The following FER1L6 variants were observed in gnomAD, a reference collection of about 807,000 sequenced individuals.
The protein encoded by FER1L6 is fer-1 like family member 6.
FER1L6 carries 177 observed loss-of-function variants against 219.2 expected under a neutral mutation model. The ratio of observed to expected loss-of-function variants is 0.81; its 90% confidence interval spans 0.71 to 0.91. The LOEUF (loss-of-function observed/expected upper bound fraction) is 0.91, where lower values mean the gene tolerates loss of function less well. Ranked by LOEUF, FER1L6 falls within the 40% of genes least tolerant of loss-of-function variation. FER1L6 has a pLI of 0.00. For synonymous variants in FER1L6, 768 were observed against 824.3 expected, an observed-to-expected ratio of 0.93 and a Z score of 1.17; for missense variants, 2,153 against 2,259.9, an observed-to-expected ratio of 0.95 and a Z score of 0.96.
intron 1 of FER1L6, among the ~76,000 whole-genome samples, chr8:123,953,934 T>C (rs1171247946): frequency 1.3e-5 from 2 of 152,234 alleles, no homozygotes; most frequent in Non-Finnish European, 2.9e-5. Context: ...CTTGTGTATG[T>C]TCTCCAGAGA....
intron 1 of FER1L6, among the ~76,000 whole-genome samples, chr8:123,868,209 GAGT>G (rs1283233233): frequency 6.6e-6 from 1 of 151,998 alleles, no homozygotes; most frequent in Non-Finnish European, 1.5e-5. Context: ...TCAAACAGGC[GAGT>G]AGGCTACTTA....
chr8:123,854,611 G>A (rs894737615), intron 1 of FER1L6, among the ~76,000 whole-genome samples: 1 of 152,164 alleles, frequency 6.6e-6, no homozygotes, highest in Admixed American at 6.5e-5. Context: ...GGACCGAAGG[G>A]TATCTTCTGT....
chr8:124,099,056 T>C (rs1265304986), intron 37 of FER1L6, among the ~76,000 whole-genome samples: 2 of 152,212 alleles, frequency 1.3e-5, no homozygotes, highest in Non-Finnish European at 2.9e-5. Context: ...CTGTTTTTTC[T>C]CTTATCCTCT....
At chr8:123,935,189 C>A (rs1813937666) in intron 1 of FER1L6, among the ~76,000 whole-genome samples, 1 of 151,962 alleles carries the variant, frequency 6.6e-6, no homozygotes, top group African/African-American at 2.4e-5. Flanking sequence ...CTTTCCTTTC[C>A]AACCCCCTTT....
intron 1 of FER1L6, among the ~76,000 whole-genome samples, chr8:123,877,772 A>G (rs1029919292): frequency 6.6e-6 from 1 of 151,992 alleles, no homozygotes; most frequent in African/African-American, 2.4e-5. Context: ...CCTGCAAAAA[A>G]AAAAAAAAAA....
chr8:124,110,591 G>C (rs1414892521), intron 39 of FER1L6, among the ~76,000 whole-genome samples: 1 of 152,140 alleles, frequency 6.6e-6, no homozygotes, highest in Non-Finnish European at 1.5e-5. Context: ...TTATCATTGA[G>C]TAGTCACTAA....
chr8:123,865,643 C>T (rs1330922171), intron 1 of FER1L6, among the ~76,000 whole-genome samples: 1 of 151,184 alleles, frequency 6.6e-6, no homozygotes, highest in East Asian at 1.9e-4. Flanking sequence ...ATTCCGTGGG[C>T]GTAGGACCCT....
chr8:123,997,995 G>A lies in FER1L6; in HGVS notation c.1520-5172G>A, dbSNP rs938885618. Among the ~76,000 whole-genome samples, 2 of 152,078 alleles carry A rather than the reference G, an allele frequency of 1.3e-5. 1 individual carries two copies. Among genetic ancestry groups the A allele is most frequent in the South Asian group, 4.2e-4 (2 of 4,818 alleles). On this transcript the variant is annotated intron_variant, in intron 12 of 40. Transcript: ENST00000522917. ...AAGCTCACATATCTCTGCCTTTCTGGAATTGGTCACTAGTGCTTTATTTAG... is the reference window on the plus strand; with the variant it reads ...AAGCTCACATATCTCTGCCTTTCTGAAATTGGTCACTAGTGCTTTATTTAG...
intron 1 of FER1L6, among the ~76,000 whole-genome samples, chr8:123,868,804 T>A (rs1361874491): frequency 6.6e-6 from 1 of 152,198 alleles, no homozygotes; most frequent in African/African-American, 2.4e-5. Flanking sequence ...GCAAAACAAA[T>A]TCTGACCTAA....
At chr8:123,859,872 G>C (rs895125872) in intron 1 of FER1L6, among the ~76,000 whole-genome samples, 1 of 146,832 alleles carries the variant, frequency 6.8e-6, no homozygotes, top group Non-Finnish European at 1.5e-5. Context: ...TCCCTACAAA[G>C]GACATGAACT....
chr8:124,051,843 C>G (rs752234480), intron 22 of FER1L6, among the ~76,000 whole-genome samples: 2 of 152,158 alleles, frequency 1.3e-5, no homozygotes, highest in Non-Finnish European at 2.9e-5. Flanking sequence ...CTCATCTTAT[C>G]AAAGACTTTC....
At chr8:123,975,739 AT>A (rs896245222) in intron 8 of FER1L6, among the ~76,000 whole-genome samples, 158 bp from the exon 9 acceptor site, 10 of 152,252 alleles carry the variant, frequency 6.6e-5, no homozygotes, top group Non-Finnish European at 1.3e-4. Context: ...ATTCTCTGTC[AT>A]TTACACTATA....
intron 7 of FER1L6, 138 bp downstream of exon 7, chr8:123,973,650 C>G (rs1462241855): frequency 1.4e-6 from 1 of 698,170 alleles, no homozygotes; most frequent in Non-Finnish European, 2.6e-6. Context: ...TTGAATGAGA[C>G]ATAACTCTTG....
In FER1L6 at chr8:123,908,932, G is replaced by A. The variant is rs149276216; in HGVS notation, c.-7-47060G>A. On this transcript the variant is annotated intron_variant, in intron 1 of 40. Transcript: ENST00000522917. Reference sequence around the variant, plus strand: ...AATTCAAATGTCTAAGGGGTCAAGCGTATCACTATTATGAGTGAAGCTAGC... The same window carrying A: ...AATTCAAATGTCTAAGGGGTCAAGCATATCACTATTATGAGTGAAGCTAGC... 1.3e-3 allele frequency among the ~76,000 whole-genome samples: 196 copies of A among 152,302 alleles called. 1 individual carries two copies. Among genetic ancestry groups the A allele is most frequent in the South Asian group, 4.1e-3 (20 of 4,826 alleles).
chr8:123,973,798 T>A (rs1358745088), intron 7 of FER1L6, among the ~76,000 whole-genome samples: 2 of 152,196 alleles, frequency 1.3e-5, no homozygotes, highest in Non-Finnish European at 2.9e-5. Flanking sequence ...GAATACAGAC[T>A]CTGGAGTCAG....
At chr8:123,885,357 C>T (rs1352150464) in intron 1 of FER1L6, among the ~76,000 whole-genome samples, 1 of 152,154 alleles carries the variant, frequency 6.6e-6, no homozygotes, top group African/African-American at 2.4e-5. Flanking sequence ...CTGTCCTTGT[C>T]AAAGCTTCCA....
At chr8:124,010,556 G>T (rs758474820) in intron 13 of FER1L6, 38 bp from the exon 14 acceptor site, 3 of 1,609,860 alleles carry the variant, frequency 1.9e-6, no homozygotes, top group Admixed American at 1.7e-5. Context: ...GGAAAACACT[G>T]ATTACCAGCT....
chr8:124,040,106 C>G, intron 20 of FER1L6, 100 bp downstream of exon 20: 18 of 1,476,156 alleles, frequency 1.2e-5, no homozygotes, highest in Non-Finnish European at 1.6e-5. Flanking sequence ...TTGCAAATAC[C>G]TGCATCTTTG....
intron 5 of FER1L6, among the ~76,000 whole-genome samples, chr8:123,969,740 C>T (rs904878202): frequency 1.3e-5 from 2 of 151,766 alleles, no homozygotes; most frequent in Admixed American, 6.6e-5. Context: ...GTGGTATAGG[C>T]CTGTAGTCCC....
Sources: allele counts gnomAD v4.1 joint callset (sites outside exome capture counted in the v4.1 genomes callset), GRCh38; gene constraint gnomAD v4.1.1; transcripts MANE v1.5; gene names NCBI Gene and HGNC (gene_info 2026-07-23, HGNC 2026-07-21).